Variants in B3GALT1 observed in about 807,000 individuals in gnomAD.
The protein encoded by B3GALT1 is beta-1,3-galactosyltransferase 1, also known as UDP-Gal:betaGlcNAc beta 1,3-galactosyltransferase, polypeptide 1.
In B3GALT1, 10 loss-of-function variants were observed where a neutral mutation model predicts 23.2. The ratio of observed to expected loss-of-function variants is 0.43; its 90% CI spans 0.27 to 0.73. The LOEUF is 0.73. Among genes scored for constraint, B3GALT1 ranks in the 30% least tolerant of loss-of-function variants. B3GALT1 has a pLI of 0.21. For missense variants in B3GALT1, 299 were observed against 405.4 expected (o/e 0.74, Z 2.25); for synonymous variants, 156 against 141.5 (o/e 1.10, Z -0.73).
intron 1 of B3GALT1, among the ~76,000 whole-genome samples, chr2:167,465,810 T>C (rs1699335262): frequency 6.6e-6 from 1 of 152,150 alleles, no homozygotes; most frequent in African/African-American, 2.4e-5. Context: ...CACCAAGTGA[T>C]AAAATATAAC....
intron 1 of B3GALT1, among the ~76,000 whole-genome samples, chr2:167,349,515 TTGTA>T (rs1697277965): frequency 6.6e-6 from 1 of 152,124 alleles, no homozygotes; most frequent in Non-Finnish European, 1.5e-5. Context: ...AGGAAAAAAA[TTGTA>T]TGCCGAGGTT....
intron 2 of B3GALT1, among the ~76,000 whole-genome samples, chr2:167,535,322 G>A (rs1683397791): frequency 1.3e-5 from 2 of 152,072 alleles, no homozygotes; most frequent in Admixed American, 6.6e-5. Flanking sequence ...TGGTGACCCT[G>A]GAGTTGTTCA....
At chr2:167,513,544 A>G (rs1238374597) in intron 2 of B3GALT1, among the ~76,000 whole-genome samples, 1 of 152,172 alleles carries the variant, frequency 6.6e-6, no homozygotes, top group Non-Finnish European at 1.5e-5. Flanking sequence ...AAGATTCTAT[A>G]GTTTAAAAAG....
At chr2:167,697,735 CGA>C (rs768286039) in intron 3 of B3GALT1, among the ~76,000 whole-genome samples, 25 of 152,026 alleles carry the variant, frequency 1.6e-4, no homozygotes, top group Non-Finnish European at 3.1e-4. Flanking sequence ...AAGTATCAGC[CGA>C]GAGATGCCAC....
intron 2 of B3GALT1, among the ~76,000 whole-genome samples, chr2:167,585,501 A>G (rs889051010): frequency 1.3e-5 from 2 of 152,232 alleles, no homozygotes; most frequent in Admixed American, 1.3e-4. Flanking sequence ...TCCAAATTAG[A>G]TATAACTACA....
At chr2:167,742,140 G>A (rs576903561) in intron 3 of B3GALT1, among the ~76,000 whole-genome samples, 2 of 152,240 alleles carry the variant, frequency 1.3e-5, no homozygotes, top group Admixed American at 6.5e-5. Context: ...AGTCCTTACC[G>A]GAAGGTCACT....
chr2:167,526,715 T>C (rs560256869), intron 2 of B3GALT1, among the ~76,000 whole-genome samples: 1 of 152,336 alleles, frequency 6.6e-6, no homozygotes, highest in African/African-American at 2.4e-5. Flanking sequence ...AAAGCTTAGG[T>C]AGAATATTTT....
At chr2:167,669,002 C>T (rs1167489213) in intron 3 of B3GALT1, among the ~76,000 whole-genome samples, 1 of 152,182 alleles carries the variant, frequency 6.6e-6, no homozygotes, top group Non-Finnish European at 1.5e-5. Flanking sequence ...GAGGCCTCCT[C>T]TGCCTTCTTT....
intron 2 of B3GALT1, among the ~76,000 whole-genome samples, chr2:167,573,974 GTAACAA>G (rs1684341130): frequency 6.6e-6 from 1 of 151,604 alleles, no homozygotes; most frequent in Non-Finnish European, 1.5e-5. Flanking sequence ...ATATGTAAGA[GTAACAA>G]TATGGGATCC....
chr2:167,861,406 G>T lies in B3GALT1; in HGVS notation c.-229-7405G>T, dbSNP rs1440637769. Among the ~76,000 whole-genome samples the T allele has an allele frequency of 2.0e-5, 3 of 152,310 alleles. No individual in the cohort carries two copies. The South Asian group carries it at 6.2e-4, about 32-fold the overall frequency. The stretch of plus-strand genomic sequence containing the variant: ...AAACTAATACAGTGGATAACCTGTG[G>T]CTCTGGAGGCCGGAGGAATTTGCAG... On this transcript the variant is annotated intron_variant, in intron 4 of 4. Transcript: ENST00000392690.
intron 2 of B3GALT1, among the ~76,000 whole-genome samples, chr2:167,545,149 C>T (rs1163224248): frequency 1.3e-5 from 2 of 149,726 alleles, no homozygotes; most frequent in Non-Finnish European, 3.0e-5. Context: ...ATTCTCCTGC[C>T]TCAGCCTCCC....
chr2:167,564,368 C>T (rs1684105412), intron 2 of B3GALT1, among the ~76,000 whole-genome samples: 1 of 151,164 alleles, frequency 6.6e-6, no homozygotes, highest in Non-Finnish European at 1.5e-5. Context: ...AGACGCTCCC[C>T]ACTCTCCAGA....
intron 2 of B3GALT1, among the ~76,000 whole-genome samples, chr2:167,510,011 A>G (rs1459706976): frequency 2.6e-5 from 4 of 152,208 alleles, no homozygotes; most frequent in Non-Finnish European, 4.4e-5. Context: ...AGCAGATATG[A>G]TTTGAAATCC....
intron 1 of B3GALT1, among the ~76,000 whole-genome samples, chr2:167,473,363 G>A (rs1447016821): frequency 6.6e-6 from 1 of 152,092 alleles, no homozygotes; most frequent in South Asian, 2.1e-4. Flanking sequence ...AGAATTAAGA[G>A]TTCCTGATCT....
intron 1 of B3GALT1, among the ~76,000 whole-genome samples, chr2:167,405,222 T>G (rs564285885): frequency 1.3e-5 from 2 of 152,262 alleles, no homozygotes; most frequent in East Asian, 3.9e-4. Context: ...TCTATAAGTA[T>G]AAAGTAGCTG....
intron 3 of B3GALT1, among the ~76,000 whole-genome samples, chr2:167,667,744 G>A (rs956540493): frequency 9.9e-5 from 15 of 151,910 alleles, no homozygotes; most frequent in Middle Eastern, 3.4e-3. Context: ...TGATCGCATC[G>A]GCTGAGGCTT....
intron 1 of B3GALT1, among the ~76,000 whole-genome samples, chr2:167,417,408 G>A (rs1698487621): frequency 6.6e-6 from 1 of 152,150 alleles, no homozygotes; most frequent in South Asian, 2.1e-4. Flanking sequence ...GTTCTCACTA[G>A]ATGCGACCCC....
intron 1 of B3GALT1, among the ~76,000 whole-genome samples, chr2:167,373,649 C>T (rs962038169): frequency 6.6e-6 from 1 of 152,120 alleles, no homozygotes; most frequent in Admixed American, 6.6e-5. Flanking sequence ...AAGATATTAG[C>T]ATTTAGATAT....
At chr2:167,806,776 C>CT (rs1558985413) in intron 3 of B3GALT1, among the ~76,000 whole-genome samples, 1 of 152,048 alleles carries the variant, frequency 6.6e-6, no homozygotes, top group Non-Finnish European at 1.5e-5. Context: ...CTAAAATTCT[C>CT]TTTTTTTGTT....
Sources: allele counts gnomAD v4.1 joint callset (sites outside exome capture counted in the v4.1 genomes callset), GRCh38; gene constraint gnomAD v4.1.1; transcripts MANE v1.5; gene names NCBI Gene and HGNC (gene_info 2026-07-23, HGNC 2026-07-21).